The following FPR3 variants were observed in gnomAD, a reference collection of about 807,000 sequenced individuals.
FPR3 encodes the protein formyl peptide receptor 3.
For synonymous variants in FPR3, 135 were observed against 163.6 expected, an observed-to-expected ratio of 0.83 and a Z score of 1.34; for missense variants, 346 against 443.2, an observed-to-expected ratio of 0.78 and a Z score of 1.97.
intron 1 of FPR3, among the ~76,000 whole-genome samples, chr19:51,816,962 C>T (rs1189235556): frequency 6.6e-6 from 1 of 152,090 alleles, no homozygotes; most frequent in African/African-American, 2.4e-5. Flanking sequence ...CATTTTTTCA[C>T]CTTGGTAATT....
At position 51,797,969 on chromosome 19, in the gene FPR3, C is replaced by CCTCCTGGGT. The variant is rs539258499; in HGVS notation, c.-11+2639_-11+2647dup. Among the ~76,000 whole-genome samples, 544 of 137,910 alleles carry CCTCCTGGGT rather than the reference C, an allele frequency of 3.9e-3. 7 individuals carry two copies. Among genetic ancestry groups the CCTCCTGGGT allele is most frequent in the Admixed American group, 0.025 (305 of 12,306 alleles). The allele number at this position is 137,910 out of a possible 152,430, so 90.5% of individuals were successfully genotyped here. On this transcript the variant is annotated intron_variant, in intron 1 of 1. Transcript: ENST00000339223. ...CAATCTCAGCTCACTGCAACCTCTG[C>CCTCCTGGGT]CTCCTGGGTTCAAGCGATTCCCCCA...
At chr19:51,795,501 ATTCTTTTTTTTTTTTT>A (rs1306861630) in intron 1 of FPR3, among the ~76,000 whole-genome samples, 170 bp downstream of exon 1, 6 of 77,100 alleles carry the variant, frequency 7.8e-5, no homozygotes, top group Non-Finnish European at 1.2e-4. Context: ...TTCCAGTAAC[ATTCTTTTTTTTTTTTT>A]TTTTTTTTTT....
intron 1 of FPR3, among the ~76,000 whole-genome samples, chr19:51,818,588 G>C (rs1393768001): frequency 6.6e-6 from 1 of 152,204 alleles, no homozygotes; most frequent in Non-Finnish European, 1.5e-5. Context: ...ATACCTCTGA[G>C]GACAAGATAT....
chr19:51,810,056 G>A (rs1220826028), intron 1 of FPR3, among the ~76,000 whole-genome samples: 1 of 152,166 alleles, frequency 6.6e-6, no homozygotes, highest in Non-Finnish European at 1.5e-5. Flanking sequence ...TGCATTGTAA[G>A]GTCCTTTCTG....
chr19:51,798,407 A>G (rs2902888), intron 1 of FPR3, among the ~76,000 whole-genome samples: 122,405 of 152,024 alleles, frequency 0.81, 49,563 homozygotes, highest in East Asian at 0.99. Flanking sequence ...TTGGTGTCAA[A>G]GCTGAGAAAC....
At chr19:51,816,539 T>C (rs1196024672) in intron 1 of FPR3, among the ~76,000 whole-genome samples, 1 of 152,236 alleles carries the variant, frequency 6.6e-6, no homozygotes, top group Non-Finnish European at 1.5e-5. Flanking sequence ...TGAACCACCA[T>C]GCCTGGCCTA....
intron 1 of FPR3, among the ~76,000 whole-genome samples, chr19:51,800,989 T>C (rs1442669936): frequency 6.6e-6 from 1 of 152,212 alleles, no homozygotes; most frequent in Non-Finnish European, 1.5e-5. Flanking sequence ...GACTGTCCAG[T>C]GGCACCGGGC....
At chr19:51,815,853 C>A (rs1246278060) in intron 1 of FPR3, among the ~76,000 whole-genome samples, 1 of 146,374 alleles carries the variant, frequency 6.8e-6, no homozygotes, top group Non-Finnish European at 1.5e-5. Context: ...TAGAATGAGA[C>A]CCTGTCTCAA....
rs2084211171 is a variant in FPR3 at position 51,823,998 on chromosome 19, TCA to T, written c.251_252del (p.Ser84CysfsTer15). On this transcript the variant is annotated frameshift_variant, in exon 2 of 2. Transcript: ENST00000339223. LOFTEE classifies it low-confidence loss of function (END_TRUNC). ...TGCCATCCTACCATTCCGAATGGTCTCAGTCGCCATGAGAGAAAAATGGCCTT... is the reference window on the plus strand; with the variant it reads ...TGCCATCCTACCATTCCGAATGGTCTGTCGCCATGAGAGAAAAATGGCCTT... Reference protein sequence around the residue: ...FSAILPFRMVSVAMREKWPFG... With the variant: ...FSAILPFRMVXVAMREKWPFG... 2 of 1,614,032 alleles carry T rather than the reference TCA, an allele frequency of 1.2e-6. No homozygotes were observed. Among genetic ancestry groups the T allele is most frequent in the African/African-American group, 1.3e-5 (1 of 74,926 alleles).
chr19:51,820,058 G>C (rs1051748737), intron 1 of FPR3, among the ~76,000 whole-genome samples: 1 of 152,176 alleles, frequency 6.6e-6, no homozygotes, highest in Non-Finnish European at 1.5e-5. Flanking sequence ...GCTAAAAAAT[G>C]CACATCTAAT....
chr19:51,795,504 CTTTTTTTTTTTT>C (rs58620565), intron 1 of FPR3, among the ~76,000 whole-genome samples, 173 bp downstream of exon 1: 12 of 74,742 alleles, frequency 1.6e-4, no homozygotes, highest in East Asian at 1.1e-3. Flanking sequence ...CAGTAACATT[CTTTTTTTTTTTT>C]TTTTTTTTTT....
intron 1 of FPR3, chr19:51,803,997 T>A (rs1353715432): frequency 6.6e-6 from 1 of 152,194 alleles, no homozygotes; most frequent in South Asian, 2.1e-4. Context: ...GGGGATCTCA[T>A]CCTTGGGAAG....
At chr19:51,810,368 C>T (rs7258394) in intron 1 of FPR3, among the ~76,000 whole-genome samples, 4,722 of 152,244 alleles carry the variant, frequency 0.031, 264 homozygotes, top group African/African-American at 0.11. Flanking sequence ...AGGAATCTGA[C>T]GCTTCACTGC....
At chr19:51,807,050 C>T (rs1017254761) in intron 1 of FPR3, among the ~76,000 whole-genome samples, 10 of 152,244 alleles carry the variant, frequency 6.6e-5, no homozygotes, top group Middle Eastern at 3.4e-3. Flanking sequence ...TAGCCTGCCA[C>T]GATCCCTGAT....
intron 1 of FPR3, among the ~76,000 whole-genome samples, chr19:51,797,831 T>A (rs979339000): frequency 6.6e-6 from 1 of 151,246 alleles, no homozygotes; most frequent in Non-Finnish European, 1.5e-5. Flanking sequence ...GAGTTCTAAT[T>A]TGTTACAGAT....
At chr19:51,810,913 T>C (rs557171403) in intron 1 of FPR3, among the ~76,000 whole-genome samples, 2 of 152,356 alleles carry the variant, frequency 1.3e-5, no homozygotes, top group Non-Finnish European at 2.9e-5. Flanking sequence ...TCTCCAGCTA[T>C]GGCAGCAGAG....
rs58620565 is a variant in FPR3 at position 51,795,504 on chromosome 19, C to CTTTTTTTTTTT, written c.-11+192_-11+202dup. ...TTTGGTTACATGTTCCAGTAACATT[C>CTTTTTTTTTTT]TTTTTTTTTTTTTTTTTTTTTTTTT... On this transcript the variant is annotated intron_variant, in intron 1 of 1. Transcript: ENST00000339223. Among the ~76,000 whole-genome samples the CTTTTTTTTTTT allele has an allele frequency of 7.3e-3, 543 of 74,698 alleles. 114 individuals are homozygous for CTTTTTTTTTTT. The highest frequency in any genetic ancestry group is 0.026 in the East Asian group (47 of 1,806). 49.0% of individuals were successfully genotyped at this position (74,698 alleles called of 152,430 possible). A position where few individuals can be genotyped will look rare whatever the true frequency, so the allele number is the denominator to read the frequency against.
At chr19:51,808,492 G>A (rs569878607) in intron 1 of FPR3, among the ~76,000 whole-genome samples, 18 of 152,158 alleles carry the variant, frequency 1.2e-4, no homozygotes, top group Admixed American at 4.6e-4. Flanking sequence ...AACATATTCC[G>A]AGGCTTCTTT....
At chr19:51,806,759 G>A (rs1175970790) in intron 1 of FPR3, among the ~76,000 whole-genome samples, 1 of 152,224 alleles carries the variant, frequency 6.6e-6, no homozygotes, top group African/African-American at 2.4e-5. Context: ...ATGACCAGCT[G>A]TCTCACCTGT....
Sources: allele counts gnomAD v4.1 joint callset (sites outside exome capture counted in the v4.1 genomes callset), GRCh38; gene constraint gnomAD v4.1.1; transcripts MANE v1.5; gene names NCBI Gene and HGNC (gene_info 2026-07-23, HGNC 2026-07-21).